EYA2: variants seen among roughly 807,000 people sequenced by gnomAD.
EYA2 encodes the protein protein phosphatase EYA2.
Under a neutral mutation model 69.2 loss-of-function variants are expected in EYA2, and 31 were observed. The observed-to-expected ratio is 0.45, with a 90% CI of 0.34 to 0.60. EYA2 has a LOEUF of 0.60. Ranked by LOEUF, EYA2 falls within the 20% of genes least tolerant of loss-of-function variation. The pLI is 0.02. For missense variants in EYA2, 622 were observed against 701.2 expected (o/e 0.89, Z 1.28); for synonymous variants, 257 against 279.4 (o/e 0.92, Z 0.80).
chr20:47,093,258 G>A (rs1212872185), intron 8 of EYA2, among the ~76,000 whole-genome samples: 6 of 152,174 alleles, frequency 3.9e-5, no homozygotes, highest in African/African-American at 1.4e-4. Context: ...TAGTTTGTTT[G>A]TATCTTTCAC....
chr20:47,106,725 G>A (rs1270428395), intron 9 of EYA2, among the ~76,000 whole-genome samples: 2 of 152,098 alleles, frequency 1.3e-5, no homozygotes, highest in African/African-American at 2.4e-5. Flanking sequence ...ACGTGGCAGG[G>A]TAGGGAGGCC....
At chr20:46,958,866 C>T (rs957822133) in intron 1 of EYA2, among the ~76,000 whole-genome samples, 1 of 152,170 alleles carries the variant, frequency 6.6e-6, no homozygotes. Flanking sequence ...CTGCAAAGGA[C>T]GTGATCTCGT....
At chr20:47,022,677 A>G (rs1174350322) in intron 5 of EYA2, among the ~76,000 whole-genome samples, 47 of 11,822 alleles carry the variant, frequency 4.0e-3, no homozygotes, top group African/African-American at 0.012. Flanking sequence ...TTTTTTTTTG[A>G]GGCAGGGTCT....
In EYA2 at chr20:47,188,351, T is replaced by C. The variant is rs954220091; in HGVS notation, c.*218T>C. ...ACATTGGCTTCGGAGTATTTGACTTTGGGGAAAAGGGCTGGCTCGGAGTCT... is the reference window on the plus strand; with the variant it reads ...ACATTGGCTTCGGAGTATTTGACTTCGGGGAAAAGGGCTGGCTCGGAGTCT... On this transcript the variant is annotated 3_prime_UTR_variant, in exon 16 of 16. Coordinates refer to ENST00000327619, the MANE Select transcript of EYA2 (RefSeq NM_005244.5). 3.3e-6 allele frequency: 2 copies of C among 602,338 alleles called. No homozygotes were observed. The highest frequency in any genetic ancestry group is 3.0e-6 in the Non-Finnish European group (1 of 337,770). 37.3% of individuals were successfully genotyped at this position (602,338 alleles called of 1,614,324 possible).
chr20:47,039,518 C>T (rs1485674640), intron 5 of EYA2, among the ~76,000 whole-genome samples: 2 of 152,194 alleles, frequency 1.3e-5, no homozygotes, highest in Non-Finnish European at 2.9e-5. Flanking sequence ...TTCCCGTCCC[C>T]TGATCTAGAC....
intron 9 of EYA2, among the ~76,000 whole-genome samples, chr20:47,106,093 T>A (rs1284987850): frequency 2.0e-5 from 3 of 151,654 alleles, no homozygotes; most frequent in Non-Finnish European, 3.0e-5. Flanking sequence ...TGTGTTTTGT[T>A]TTTTGTTTTT....
intron 1 of EYA2, among the ~76,000 whole-genome samples, chr20:46,910,973 C>T (rs74839000): frequency 0.14 from 21,509 of 152,162 alleles, 1,632 homozygotes; most frequent in Non-Finnish European, 0.17. Flanking sequence ...CACCCAAGTC[C>T]TCACCTTTCC....
At chr20:46,961,110 G>A (rs963975209) in intron 1 of EYA2, among the ~76,000 whole-genome samples, 4 of 152,266 alleles carry the variant, frequency 2.6e-5, no homozygotes, top group East Asian at 1.9e-4. Context: ...CGAGGCAGGC[G>A]GGTCACCTGA....
intron 5 of EYA2, among the ~76,000 whole-genome samples, chr20:47,048,048 G>A (rs2030137906): frequency 6.6e-6 from 1 of 152,144 alleles, no homozygotes; most frequent in East Asian, 1.9e-4. Context: ...CCCATCTCAA[G>A]GCCATTAACA....
chr20:46,975,626 G>A (rs1291093671), intron 1 of EYA2, among the ~76,000 whole-genome samples: 7 of 152,186 alleles, frequency 4.6e-5, no homozygotes, highest in Admixed American at 1.3e-4. Context: ...CAAGAATGAG[G>A]GAAACAGGCT....
intron 1 of EYA2, among the ~76,000 whole-genome samples, chr20:46,986,944 C>T (rs1356860176): frequency 2.0e-5 from 3 of 152,174 alleles, no homozygotes; most frequent in Non-Finnish European, 4.4e-5. Flanking sequence ...GGGTGGGATT[C>T]TGTCATCAGA....
At chr20:47,104,146 G>A (rs1307862720) in intron 9 of EYA2, among the ~76,000 whole-genome samples, 4 of 152,094 alleles carry the variant, frequency 2.6e-5, no homozygotes, top group Non-Finnish European at 5.9e-5. Context: ...AGTATGAAGT[G>A]GTATCTCATT....
At position 46,897,435 on chromosome 20, in the gene EYA2, G is replaced by A. The variant is rs149559599; in HGVS notation, c.-11+2448G>A. ...ACTCCTTTCCCACAAAGAAGAAACC[G>A]TTTCCTTATTTTTTCAGTTACTTTT... is the stretch of plus-strand genomic sequence containing the variant. On this transcript the variant is annotated intron_variant, in intron 1 of 15. Transcript: ENST00000327619. Among the ~76,000 whole-genome samples the A allele has an allele frequency of 4.0e-4, 61 of 152,286 alleles. 1 individual carries two copies. In the South Asian group the frequency reaches 5.2e-3, roughly 13 times the overall value.
At chr20:46,962,815 G>A (rs939975131) in intron 1 of EYA2, among the ~76,000 whole-genome samples, 1 of 152,210 alleles carries the variant, frequency 6.6e-6, no homozygotes, top group South Asian at 2.1e-4. Context: ...TACTGCTTCA[G>A]TGCACAGCTG....
rs762444763 is a variant in EYA2 at position 47,097,198 on chromosome 20, T to C, written c.888+30T>C. The C allele has an allele frequency of 5.2e-6, 8 of 1,541,520 alleles. No homozygotes were observed. In the East Asian group the frequency reaches 6.9e-5, roughly 13 times the overall value. ...GAATCCATTTTGTCTCTCTCTCTCT[T>C]TTTTTGTTTTCAACGTTATTGTCCA... On this transcript the variant is annotated intron_variant, in intron 9 of 15. Coordinates refer to ENST00000327619, the MANE Select transcript of EYA2 (RefSeq NM_005244.5).
chr20:47,117,812 T>A (rs2032944477), intron 9 of EYA2, among the ~76,000 whole-genome samples: 1 of 152,258 alleles, frequency 6.6e-6, no homozygotes. Flanking sequence ...TACCTTGAAA[T>A]GTAGCTGTAA....
At chr20:47,127,560 CAAAAA>C (rs979693413) in intron 9 of EYA2, among the ~76,000 whole-genome samples, 1 of 152,062 alleles carries the variant, frequency 6.6e-6, no homozygotes, top group Non-Finnish European at 1.5e-5. Context: ...GCCAAGATAA[CAAAAA>C]AGAAAAGAAA....
At chr20:47,039,934 A>G (rs6124926) in intron 5 of EYA2, among the ~76,000 whole-genome samples, 20,284 of 133,394 alleles carry the variant, frequency 0.15, 1,853 homozygotes, top group South Asian at 0.36. Context: ...TCCGCCTCCC[A>G]GGTTCAAGCG....
At chr20:47,106,435 A>G (rs936328750) in intron 9 of EYA2, among the ~76,000 whole-genome samples, 1 of 152,210 alleles carries the variant, frequency 6.6e-6, no homozygotes, top group Non-Finnish European at 1.5e-5. Context: ...ACGCAATGGA[A>G]TTCCTACTTG....
Sources: allele counts gnomAD v4.1 joint callset (sites outside exome capture counted in the v4.1 genomes callset), GRCh38; gene constraint gnomAD v4.1.1; transcripts MANE v1.5; gene names NCBI Gene and HGNC (gene_info 2026-07-23, HGNC 2026-07-21).